The following ZNF891 variants were observed in gnomAD, a reference collection of about 807,000 sequenced individuals.
The protein encoded by ZNF891 is hCG1646157.
For missense variants in ZNF891, 589 were observed against 632.7 expected (o/e 0.93, Z 0.74); for synonymous variants, 199 against 209.0 (o/e 0.95, Z 0.41).
chr12:133,121,409 T>TC lies in ZNF891; in HGVS notation c.509dup (p.His171ThrfsTer20). The TC allele has an allele frequency of 2.0e-6, 3 of 1,536,096 alleles. No homozygotes were observed. Among genetic ancestry groups the TC allele is most frequent in the Non-Finnish European group, 2.6e-6 (3 of 1,146,874 alleles). On this transcript the variant is annotated frameshift_variant, in exon 2 of 2. Coordinates refer to ENST00000537226, the MANE Select transcript of ZNF891 (RefSeq NM_001277291.2). LOFTEE classifies it low-confidence loss of function (END_TRUNC). ...GGGCATATATCATTTGCCTCCAATG[T>TC]CCCCCTGGAATCTTATGCTGTTTTC...
rs930217827 is a variant in ZNF891 at position 133,107,116 on chromosome 12, TACAA to T, written c.*13164_*13167del. 1 of 153,372 alleles carries T rather than the reference TACAA, an allele frequency of 6.5e-6. No homozygotes were observed. Among genetic ancestry groups the T allele is most frequent in the Non-Finnish European group, 1.5e-5 (1 of 68,880 alleles). 9.5% of individuals were successfully genotyped at this position (153,372 alleles called of 1,614,324 possible). A position where few individuals can be genotyped will look rare whatever the true frequency, so the allele number is the denominator to read the frequency against. On this transcript the variant is annotated 3_prime_UTR_variant, in exon 2 of 2. Transcript: ENST00000537226. ...GAAAATTCATATTTAAGCAAAGTGATACAAACACAGTGATTTGGGAATGCCTTCA... is the reference window on the plus strand; with the variant it reads ...GAAAATTCATATTTAAGCAAAGTGATACACAGTGATTTGGGAATGCCTTCA...
In ZNF891 at chr12:133,111,029, G is replaced by C. The variant is rs1955679383; in HGVS notation, c.*9255C>G. On this transcript the variant is annotated 3_prime_UTR_variant, in exon 2 of 2. Coordinates refer to ENST00000537226, the MANE Select transcript of ZNF891 (RefSeq NM_001277291.2). ...GAAATTTGTTAAATCCCTCTGAAGAGATCCAAGAAATTTCAGAGCAAAGAG... is the reference window on the plus strand; with the variant it reads ...GAAATTTGTTAAATCCCTCTGAAGACATCCAAGAAATTTCAGAGCAAAGAG... 6.6e-6 allele frequency: 1 copy of C among 152,136 alleles called. No individual in the cohort carries two copies. Among genetic ancestry groups the C allele is most frequent in the African/African-American group, 2.4e-5 (1 of 41,438 alleles). The allele number at this position is 152,136 out of a possible 1,614,324, so 9.4% of individuals were successfully genotyped here.
rs1277155087 is a variant in ZNF891, at chr12:133,106,383, A to G, written c.*13901T>C. 2.5e-6 allele frequency: 4 copies of G among 1,614,154 alleles called. No individual in the cohort carries two copies. The highest frequency in any genetic ancestry group is 1.3e-5 in the African/African-American group (1 of 75,042). On this transcript the variant is annotated 3_prime_UTR_variant, in exon 2 of 2. Coordinates refer to ENST00000537226, the MANE Select transcript of ZNF891 (RefSeq NM_001277291.2). ...GAATGTGGTAAAGTTTTCACTTGGC[A>G]TGCATCCCTTATTCAACATACGAAG... is the stretch of plus-strand genomic sequence containing the variant.
chr12:133,129,839 T>G (rs1955857491), intron 1 of ZNF891, among the ~76,000 whole-genome samples: 2 of 152,116 alleles, frequency 1.3e-5, no homozygotes, highest in Non-Finnish European at 2.9e-5. Flanking sequence ...AAAAAAACGA[T>G]GGCTGTGATT....
intron 1 of ZNF891, among the ~76,000 whole-genome samples, chr12:133,128,157 T>C (rs10870581): frequency 0.045 from 6,891 of 152,248 alleles, 223 homozygotes; most frequent in Non-Finnish European, 0.067. Flanking sequence ...AAAAAAATAC[T>C]GAGAGGAGTT....
Position 133,120,213 on chromosome 12 carries a change from A to C in ZNF891, c.*71T>G. The C allele has an allele frequency of 7.9e-7, 1 of 1,273,042 alleles. No individual in the cohort carries two copies. The highest frequency in any genetic ancestry group is 1.0e-6 in the Non-Finnish European group (1 of 953,370). 78.9% of individuals were successfully genotyped at this position (1,273,042 alleles called of 1,614,324 possible). A position where few individuals can be genotyped will look rare whatever the true frequency, so the allele number is the denominator to read the frequency against. On this transcript the variant is annotated 3_prime_UTR_variant, in exon 2 of 2. Coordinates refer to ENST00000537226, the MANE Select transcript of ZNF891 (RefSeq NM_001277291.2). Reference sequence around the variant, plus strand: ...TAACCTTAAATCGTTCTTTTAGAGAACAAAGACTGAGACAAGGAGCTTGGA... The same window carrying C: ...TAACCTTAAATCGTTCTTTTAGAGACCAAAGACTGAGACAAGGAGCTTGGA...
rs1955766385 is a variant in ZNF891 at position 133,121,912 on chromosome 12, C to T, written c.7G>A (p.Val3Ile). MA[V>I]MDLSSPWALT... ...GCCCATGGGGAGGATAGGTCCATAA[C>T]TGCCATTTTATGAGTACATAAGCCT... is the stretch of plus-strand genomic sequence containing the variant. The change falls in exon 2 of 2, where the codon GTT (valine) becomes ATT (isoleucine). Residue 3 changes from valine (V) to isoleucine (I), a missense_variant. Transcript: ENST00000537226. 6.5e-7 allele frequency: 1 copy of T among 1,532,564 alleles called. No homozygotes were observed. The highest frequency in any genetic ancestry group is 2.0e-5 in the Admixed American group (1 of 50,768). The allele number at this position is 1,532,564 out of a possible 1,614,324, so 94.9% of individuals were successfully genotyped here.
chr12:133,130,213 G>A lies in ZNF891; in HGVS notation c.-107+14C>T, dbSNP rs897186761. 1 of 152,344 alleles carries A rather than the reference G, an allele frequency of 6.6e-6. No homozygotes were observed. The highest frequency in any genetic ancestry group is 2.4e-5 in the African/African-American group (1 of 41,468). 9.4% of individuals were successfully genotyped at this position (152,344 alleles called of 1,614,324 possible). ...CTTGTCCCGGGTGAACGAGCCACAG[G>A]CCCGCATGCTCACCCGTCCTCAGTG... is the stretch of plus-strand genomic sequence containing the variant. On this transcript the variant is annotated intron_variant, in intron 1 of 1. Coordinates refer to ENST00000537226, the MANE Select transcript of ZNF891 (RefSeq NM_001277291.2).
At chr12:133,124,097 T>C (rs1422902473) in intron 1 of ZNF891, among the ~76,000 whole-genome samples, 3 of 152,158 alleles carry the variant, frequency 2.0e-5, no homozygotes, top group Non-Finnish European at 4.4e-5. Context: ...TGTTTCAAAA[T>C]ACATTATAAA....
rs1327072181 is a variant in ZNF891 at position 133,111,554 on chromosome 12, A to G, written c.*8730T>C. The G allele has an allele frequency of 6.6e-6, 1 of 152,222 alleles. No individual in the cohort carries two copies. Among genetic ancestry groups the G allele is most frequent in the Non-Finnish European group, 1.5e-5 (1 of 68,046 alleles). The allele number at this position is 152,222 out of a possible 1,614,324, so 9.4% of individuals were successfully genotyped here. ...AATTTTTTAAAATAAATTCTGCATC[A>G]TGAACACCCTCAATATCACAAAGGA... On this transcript the variant is annotated 3_prime_UTR_variant, in exon 2 of 2. Coordinates refer to ENST00000537226, the MANE Select transcript of ZNF891 (RefSeq NM_001277291.2).
rs1330925381 is a variant in ZNF891 at position 133,105,568 on chromosome 12, C to G, written c.*14716G>C. 2.5e-6 allele frequency: 4 copies of G among 1,613,772 alleles called. No individual in the cohort carries two copies. In the South Asian group the frequency reaches 3.3e-5, roughly 13 times the overall value. ...CACCAAAAAATGTCATTTATGATGA[C>G]TCATCCCAGTATTTGATCATGGAAA... On this transcript the variant is annotated 3_prime_UTR_variant, in exon 2 of 2. Transcript: ENST00000537226.
At position 133,114,955 on chromosome 12, in the gene ZNF891, T is replaced by C. The variant is rs990676142; in HGVS notation, c.*5329A>G. 1 of 152,174 alleles carries C rather than the reference T, an allele frequency of 6.6e-6. No homozygotes were observed. The highest frequency in any genetic ancestry group is 2.4e-5 in the African/African-American group (1 of 41,432). 9.4% of individuals were successfully genotyped at this position (152,174 alleles called of 1,614,324 possible). On this transcript the variant is annotated 3_prime_UTR_variant, in exon 2 of 2. Coordinates refer to ENST00000537226, the MANE Select transcript of ZNF891 (RefSeq NM_001277291.2). ...GAACAGTTGATAGGAAAGCACAATA[T>C]ATAAACAATATTATTGATTGCAGTA...
chr12:133,107,267 C>T lies in ZNF891; in HGVS notation c.*13017G>A, dbSNP rs1018987281. The T allele has an allele frequency of 6.6e-6, 1 of 152,192 alleles. No individual in the cohort carries two copies. Among genetic ancestry groups the T allele is most frequent in the African/African-American group, 2.4e-5 (1 of 41,444 alleles). 9.4% of individuals were successfully genotyped at this position (152,192 alleles called of 1,614,324 possible). On this transcript the variant is annotated 3_prime_UTR_variant, in exon 2 of 2. Coordinates refer to ENST00000537226, the MANE Select transcript of ZNF891 (RefSeq NM_001277291.2). ...ATCAGAGAATTACACTGTGGGAAAA[C>T]TACCATTGTAATAAGTGTAGCAAAA...
Position 133,105,703 on chromosome 12 carries a change from C to T in ZNF891, c.*14581G>A. ...AGGGATGTATTAGGAAAGTAACAGT[C>T]TCTCATCAAGAAGCCCTGGCTCAAC... On this transcript the variant is annotated 3_prime_UTR_variant, in exon 2 of 2. Transcript: ENST00000537226. 6.2e-7 allele frequency: 1 copy of T among 1,614,146 alleles called. No individual in the cohort carries two copies. The highest frequency in any genetic ancestry group is 8.5e-7 in the Non-Finnish European group (1 of 1,180,038).
In ZNF891 at chr12:133,110,416, A is replaced by G. The variant is rs536345227; in HGVS notation, c.*9868T>C. ...AAGAAGTCTCCCAAAAGGTTATTAA[A>G]ACTAATCTTCAGCATTGGAAAAAGA... is the stretch of plus-strand genomic sequence containing the variant. On this transcript the variant is annotated 3_prime_UTR_variant, in exon 2 of 2. Transcript: ENST00000537226. 2.7e-4 allele frequency: 41 copies of G among 152,340 alleles called. No individual in the cohort carries two copies. The highest frequency in any genetic ancestry group is 9.1e-4 in the African/African-American group (38 of 41,582). 9.4% of individuals were successfully genotyped at this position (152,340 alleles called of 1,614,324 possible).
At chr12:133,128,710 T>C (rs1430339438) in intron 1 of ZNF891, among the ~76,000 whole-genome samples, 2 of 151,512 alleles carry the variant, frequency 1.3e-5, no homozygotes, top group East Asian at 3.9e-4. Flanking sequence ...GGAGAATCGC[T>C]TGAATCCGGG....
chr12:133,105,088 A>C lies in ZNF891; in HGVS notation c.*15196T>G, dbSNP rs776527465. ...TTTTTTTTTCATTTAGATTATTATA[A>C]GATGTTCCAGAGGCACTAAGTGAAC... On this transcript the variant is annotated 3_prime_UTR_variant, in exon 2 of 2. Coordinates refer to ENST00000537226, the MANE Select transcript of ZNF891 (RefSeq NM_001277291.2). Among the ~76,000 whole-genome samples the C allele has an allele frequency of 2.0e-5, 3 of 152,202 alleles. No homozygotes were observed. Among genetic ancestry groups the C allele is most frequent in the Non-Finnish European group, 2.9e-5 (2 of 68,036 alleles).
chr12:133,128,244 TTA>T (rs965213345), intron 1 of ZNF891, among the ~76,000 whole-genome samples: 73 of 152,302 alleles, frequency 4.8e-4, no homozygotes, highest in African/African-American at 1.7e-3. Context: ...CCTGTTTTTA[TTA>T]TGAGTCTTTT....
At position 133,120,835 on chromosome 12, in the gene ZNF891, T is replaced by C. The variant is rs777093716; in HGVS notation, c.1084A>G (p.Thr362Ala). 9.0e-6 allele frequency: 14 copies of C among 1,557,654 alleles called. No individual in the cohort carries two copies. Among genetic ancestry groups the C allele is most frequent in the Admixed American group, 1.9e-5 (1 of 52,158 alleles). ...ECGKVFNDSS[T>A]LRRHVRTHTG... ...TGAGTTCTTACATGTCTCCTTAAGG[T>C]TGAGGAATCATTGAACACTTTACCA... Residue 362 changes from threonine to alanine, a missense_variant, in exon 2 of 2, where the codon ACC becomes GCC. Coordinates refer to ENST00000537226, the MANE Select transcript of ZNF891 (RefSeq NM_001277291.2).
Sources: gnomAD v4.1 joint callset for allele counts (sites outside exome capture counted in the v4.1 genomes callset) on GRCh38, gnomAD v4.1.1 for gene constraint, MANE v1.5 for transcripts, NCBI Gene and HGNC (gene_info 2026-07-23, HGNC 2026-07-21) for gene names.